Variants in ADGRB3 observed in about 807,000 individuals in gnomAD.
ADGRB3 encodes the protein brain-specific angiogenesis inhibitor 3.
In ADGRB3, 37 loss-of-function variants were observed where a neutral mutation model predicts 193.4. That is an observed-to-expected ratio of 0.19 (90% CI 0.15 to 0.25). The LOEUF (loss-of-function observed/expected upper bound fraction) is 0.25. Ranked by LOEUF, ADGRB3 falls within the 10% of genes least tolerant of loss-of-function variation. The pLI, the probability that ADGRB3 is intolerant of heterozygous loss-of-function variation, is 1.00. For synonymous variants in ADGRB3, 690 were observed against 644.2 expected, an observed-to-expected ratio of 1.07 and a Z score of -1.08; for missense variants, 1,637 against 1,852.9, an observed-to-expected ratio of 0.88 and a Z score of 2.14.
chr6:69,104,784 T>A (rs578113110), intron 17 of ADGRB3, among the ~76,000 whole-genome samples: 2 of 152,272 alleles, frequency 1.3e-5, no homozygotes, highest in East Asian at 3.9e-4. Context: ...TTCTGGAAGT[T>A]TATTTAAAAA....
chr6:68,904,243 G>C (rs1766483873), intron 3 of ADGRB3, among the ~76,000 whole-genome samples: 1 of 152,126 alleles, frequency 6.6e-6, no homozygotes, highest in African/African-American at 2.4e-5. Flanking sequence ...ACAGTGGCAA[G>C]TATTTGTGTA....
intron 3 of ADGRB3, among the ~76,000 whole-genome samples, chr6:68,738,977 G>T (rs1443756611): frequency 6.6e-6 from 1 of 152,130 alleles, no homozygotes; most frequent in Non-Finnish European, 1.5e-5. Flanking sequence ...AGACTAACAT[G>T]AACTGGTCAG....
At chr6:69,160,881 CCA>C (rs1774966962) in intron 17 of ADGRB3, among the ~76,000 whole-genome samples, 1 of 152,042 alleles carries the variant, frequency 6.6e-6, no homozygotes, top group Admixed American at 6.6e-5. Context: ...CATGAGAAAG[CCA>C]AGAGACTTGA....
intron 15 of ADGRB3, among the ~76,000 whole-genome samples, chr6:69,059,542 T>G (rs1427830585): frequency 6.6e-6 from 1 of 152,152 alleles, no homozygotes; most frequent in Non-Finnish European, 1.5e-5. Flanking sequence ...AGCATAAATC[T>G]CAAGGACAGA....
At chr6:69,192,698 T>C (rs890677015) in intron 17 of ADGRB3, among the ~76,000 whole-genome samples, 15 of 152,180 alleles carry the variant, frequency 9.9e-5, no homozygotes, top group African/African-American at 3.6e-4. Context: ...ATAGTAGTGA[T>C]TTCTTCTTGT....
intron 16 of ADGRB3, among the ~76,000 whole-genome samples, chr6:69,074,767 A>G (rs572381544): frequency 2.3e-4 from 35 of 151,848 alleles, no homozygotes; most frequent in Non-Finnish European, 4.1e-4. Context: ...GGATGGTCTC[A>G]ATCTCCTGAC....
At chr6:69,355,777 C>A (rs375418191) in intron 27 of ADGRB3, 44 bp from the exon 28 acceptor site, 1 of 1,497,104 alleles carries the variant, frequency 6.7e-7, no homozygotes, top group African/African-American at 1.4e-5. Context: ...CACTTGAGGT[C>A]TTCATTAAAT....
intron 20 of ADGRB3, among the ~76,000 whole-genome samples, chr6:69,301,045 A>AT (rs1767940010): frequency 6.6e-6 from 1 of 151,778 alleles, no homozygotes; most frequent in Admixed American, 6.6e-5. Flanking sequence ...TTATAAGTAG[A>AT]TTTTTTTCAA....
At chr6:69,095,649 A>G (rs1248304309) in intron 17 of ADGRB3, among the ~76,000 whole-genome samples, 1 of 152,152 alleles carries the variant, frequency 6.6e-6, no homozygotes, top group African/African-American at 2.4e-5. Flanking sequence ...GTGCTTTGGG[A>G]TATTTTTACA....
chr6:68,882,273 A>G (rs533399322), intron 3 of ADGRB3, among the ~76,000 whole-genome samples: 3 of 152,338 alleles, frequency 2.0e-5, no homozygotes, highest in East Asian at 3.9e-4. Context: ...TTTCAAAAAC[A>G]TACTTTGAAG....
chr6:68,877,214 T>A (rs1279132759), intron 3 of ADGRB3, among the ~76,000 whole-genome samples: 1 of 152,066 alleles, frequency 6.6e-6, no homozygotes, highest in African/African-American at 2.4e-5. Flanking sequence ...ATTATATGAT[T>A]GGATTCTTTA....
At chr6:68,727,893 T>C (rs573678031) in intron 3 of ADGRB3, among the ~76,000 whole-genome samples, 1 of 151,696 alleles carries the variant, frequency 6.6e-6, no homozygotes, top group African/African-American at 2.4e-5. Context: ...ATAAAACAAT[T>C]CTTTGGAGTC....
chr6:69,028,642 C>T (rs1190320552), intron 13 of ADGRB3, among the ~76,000 whole-genome samples: 1 of 152,084 alleles, frequency 6.6e-6, no homozygotes, highest in Admixed American at 6.6e-5. Context: ...TAAGACACAA[C>T]TATTCATGGT....
chr6:69,247,441 G>A (rs1004490072), intron 20 of ADGRB3, among the ~76,000 whole-genome samples: 9 of 152,156 alleles, frequency 5.9e-5, no homozygotes, highest in South Asian at 2.1e-4. Context: ...CCTAGGGACC[G>A]TGTCTGTGTG....
intron 20 of ADGRB3, among the ~76,000 whole-genome samples, chr6:69,322,998 G>A (rs2127307735): frequency 6.6e-6 from 1 of 152,040 alleles, no homozygotes; most frequent in East Asian, 1.9e-4. Flanking sequence ...GCTTCAATTT[G>A]TATTAGAATT....
chr6:68,995,719 A>G (rs1474652562), intron 11 of ADGRB3, among the ~76,000 whole-genome samples: 1 of 152,114 alleles, frequency 6.6e-6, no homozygotes, highest in Non-Finnish European at 1.5e-5. Flanking sequence ...TTCCTATGTC[A>G]TTAACTTTAC....
intron 3 of ADGRB3, among the ~76,000 whole-genome samples, chr6:68,889,723 C>T (rs1483166632): frequency 2.6e-5 from 4 of 151,924 alleles, no homozygotes; most frequent in Admixed American, 6.6e-5. Flanking sequence ...AGGATATTCT[C>T]GATCTCCTGA....
chr6:69,186,987 A>G (rs1485214051), intron 17 of ADGRB3, among the ~76,000 whole-genome samples: 1 of 150,940 alleles, frequency 6.6e-6, no homozygotes, highest in Non-Finnish European at 1.5e-5. Context: ...TGTTTCTTCA[A>G]TGTATAGGTT....
intron 3 of ADGRB3, among the ~76,000 whole-genome samples, chr6:68,650,012 T>C (rs2127280226): frequency 6.6e-6 from 1 of 152,224 alleles, no homozygotes; most frequent in East Asian, 1.9e-4. Context: ...CTGTTGTACT[T>C]GCTTCTCATA....
Sources: gnomAD v4.1 joint callset for allele counts (sites outside exome capture counted in the v4.1 genomes callset) on GRCh38, gnomAD v4.1.1 for gene constraint, MANE v1.5 for transcripts, NCBI Gene and HGNC (gene_info 2026-07-23, HGNC 2026-07-21) for gene names.